The following SESN1 variants were observed in gnomAD, a reference collection of about 807,000 sequenced individuals.
SESN1 encodes the protein sestrin 1.
Under a neutral mutation model 59.3 loss-of-function variants are expected in SESN1, and 30 were observed. That is an observed-to-expected ratio of 0.51 (90% CI 0.38 to 0.69). The LOEUF is 0.69. Ranked by LOEUF, SESN1 falls within the 30% of genes least tolerant of loss-of-function variation. The pLI, the probability that SESN1 is intolerant of heterozygous loss-of-function variation, is 0.00. For synonymous variants in SESN1, 197 were observed against 219.9 expected, an observed-to-expected ratio of 0.90 and a Z score of 0.92; for missense variants, 566 against 673.0, an observed-to-expected ratio of 0.84 and a Z score of 1.76.
chr6:109,069,589 T>C (rs1034249719), intron 1 of SESN1, among the ~76,000 whole-genome samples: 2 of 152,100 alleles, frequency 1.3e-5, no homozygotes. Flanking sequence ...CCACCCAGAC[T>C]GGAGGGCAGT....
chr6:109,007,180 G>A (rs1330702355), intron 1 of SESN1, among the ~76,000 whole-genome samples: 1 of 152,134 alleles, frequency 6.6e-6, no homozygotes, highest in Admixed American at 6.5e-5. Flanking sequence ...CTAATTTTCA[G>A]AGTGAAAATT....
rs71015570 is a variant in SESN1, at chr6:109,044,311, C to CAAAAAAAAAAAAAAAAAAAAAA, written c.280-41990_280-41969dup. On this transcript the variant is annotated intron_variant, in intron 1 of 9. Coordinates refer to ENST00000436639, the MANE Select transcript of SESN1 (RefSeq NM_014454.3). ...TAGATGACACAGTGAGAACTTGCCTCAAAAAAAAAAAAAAAAAAAAAAAAA... is the reference window on the plus strand; with the variant it reads ...TAGATGACACAGTGAGAACTTGCCTCAAAAAAAAAAAAAAAAAAAAAAAAAAAAAAAAAAAAAAAAAAAAAAA... Among the ~76,000 whole-genome samples the CAAAAAAAAAAAAAAAAAAAAAA allele has an allele frequency of 1.8e-4, 5 of 28,458 alleles. 2 individuals carry two copies. Among genetic ancestry groups the CAAAAAAAAAAAAAAAAAAAAAA allele is most frequent in the East Asian group, 5.2e-3 (2 of 388 alleles). The allele number at this position is 28,458 out of a possible 152,430, so 18.7% of individuals were successfully genotyped here. A position where few individuals can be genotyped will look rare whatever the true frequency, so the allele number is the denominator to read the frequency against.
chr6:109,055,643 C>T (rs1780617136), intron 1 of SESN1, among the ~76,000 whole-genome samples: 1 of 117,730 alleles, frequency 8.5e-6, no homozygotes, highest in East Asian at 2.4e-4. Context: ...GCCTGGGCAA[C>T]AGAGCGAGAC....
At chr6:109,052,219 T>C (rs1161593418) in intron 1 of SESN1, among the ~76,000 whole-genome samples, 1 of 152,244 alleles carries the variant, frequency 6.6e-6, no homozygotes, top group East Asian at 1.9e-4. Context: ...TGCCTGGCAC[T>C]TTGTAGTTGC....
At position 109,094,011 on chromosome 6, in the gene SESN1, C is replaced by G; in HGVS notation, c.63G>C (p.Arg21Ser). Reference sequence around the variant, plus strand: ...GCCTAATGTTTTCCAATGCTGTCTCCCTAGTAGTTGAATCTCTGCTGCAGA... The same window carrying G: ...GCCTAATGTTTTCCAATGCTGTCTCGCTAGTAGTTGAATCTCTGCTGCAGA... The part of the protein sequence containing the change: ...DGLCSRDSTT[R>S]ETALENIRQT... The change falls in exon 1 of 10, where the codon AGG becomes AGC. Residue 21 changes from arginine (R) to serine (S), a missense_variant. By Grantham distance (110) the Arg-to-Ser change is moderately radical (BLOSUM62 -1). Coordinates refer to ENST00000436639, the MANE Select transcript of SESN1 (RefSeq NM_014454.3). The G allele has an allele frequency of 6.2e-7, 1 of 1,614,156 alleles. No individual in the cohort carries two copies. Among genetic ancestry groups the G allele is most frequent in the South Asian group, 1.1e-5 (1 of 91,080 alleles).
rs115263510 is a variant in SESN1 at position 109,084,199 on chromosome 6, G to A, written c.279+9596C>T. On this transcript the variant is annotated intron_variant, in intron 1 of 9. Transcript: ENST00000436639. ...TGAATGATTATATATACATATTAAA[G>A]TTTATTTGGGTAATATAAACCACAA... Among the ~76,000 whole-genome samples the A allele has an allele frequency of 7.8e-3, 1,193 of 152,234 alleles. 20 individuals carry two copies. Among genetic ancestry groups the A allele is most frequent in the African/African-American group, 0.028 (1,143 of 41,552 alleles).
intron 1 of SESN1, among the ~76,000 whole-genome samples, chr6:109,006,878 T>G (rs1017806934): frequency 1.3e-5 from 2 of 152,202 alleles, no homozygotes; most frequent in Admixed American, 1.3e-4. Context: ...GTTAATTCAA[T>G]TATTCCTTCA....
chr6:109,029,413 A>T (rs77936298), intron 1 of SESN1, among the ~76,000 whole-genome samples: 15,237 of 152,216 alleles, frequency 0.1, 927 homozygotes, highest in Middle Eastern at 0.19. Flanking sequence ...TGCTTTATTA[A>T]ATCTTTTTCT....
chr6:109,018,486 T>A (rs1345909743), intron 1 of SESN1, among the ~76,000 whole-genome samples: 1 of 152,222 alleles, frequency 6.6e-6, no homozygotes, highest in Non-Finnish European at 1.5e-5. Flanking sequence ...GATATTTTGC[T>A]TTAAAGATGC....
intron 1 of SESN1, among the ~76,000 whole-genome samples, chr6:109,048,447 T>C (rs1043704354): frequency 1.3e-5 from 2 of 152,224 alleles, no homozygotes; most frequent in African/African-American, 2.4e-5. Flanking sequence ...AGTGACTGCA[T>C]AGGAAATACC....
At position 108,985,531 on chromosome 6, in the gene SESN1, T is replaced by TAAC. The variant is rs1317002515; in HGVS notation, c.*2010_*2012dup. ...TGCTAAATGGAAGGCATTGAAACAT[T>TAAC]AACTTTGTATCACATGCACTTTTAT... On this transcript the variant is annotated 3_prime_UTR_variant, in exon 10 of 10. Transcript: ENST00000436639. Among the ~76,000 whole-genome samples, 1 of 152,240 alleles carries TAAC rather than the reference T, an allele frequency of 6.6e-6. No individual in the cohort carries two copies. The highest frequency in any genetic ancestry group is 1.5e-5 in the Non-Finnish European group (1 of 68,036).
At chr6:108,991,103 T>C (rs1779372975) in intron 7 of SESN1, among the ~76,000 whole-genome samples, 1 of 151,998 alleles carries the variant, frequency 6.6e-6, no homozygotes, top group Non-Finnish European at 1.5e-5. Flanking sequence ...TAATAGTCTC[T>C]TCCCCTTACA....
In SESN1 at chr6:109,050,916, G is replaced by A. The variant is rs556378939; in HGVS notation, c.279+42879C>T. Among the ~76,000 whole-genome samples the A allele has an allele frequency of 2.5e-4, 38 of 152,164 alleles. 1 individual carries two copies. In the South Asian group the frequency reaches 3.1e-3, roughly 12 times the overall value. On this transcript the variant is annotated intron_variant, in intron 1 of 9. Transcript: ENST00000436639. Reference sequence around the variant, plus strand: ...CACAGCTTCTACTGCTTAGGTAGGGGGAATGTGGTCCTCAGCCACCTCCAT... The same window carrying A: ...CACAGCTTCTACTGCTTAGGTAGGGAGAATGTGGTCCTCAGCCACCTCCAT...
intron 1 of SESN1, among the ~76,000 whole-genome samples, chr6:109,005,153 G>T (rs569123058): frequency 6.6e-6 from 1 of 152,106 alleles, no homozygotes; most frequent in South Asian, 2.1e-4. Context: ...CTAATAGTAC[G>T]AGGTTGAAAA....
intron 1 of SESN1, among the ~76,000 whole-genome samples, chr6:109,089,524 A>G (rs918539971): frequency 6.6e-6 from 1 of 152,220 alleles, no homozygotes; most frequent in Non-Finnish European, 1.5e-5. Flanking sequence ...TGACAGAACT[A>G]GAACAGCGGT....
intron 2 of SESN1, 35 bp downstream of exon 2, chr6:109,002,243 A>ATACAGT: frequency 6.3e-7 from 1 of 1,583,476 alleles, no homozygotes; most frequent in Non-Finnish European, 8.7e-7. Context: ...CCTTAAAAGC[A>ATACAGT]TACAGTTCAC....
chr6:108,990,762 TCATCAATCAACTGTCCCA>T lies in SESN1; in HGVS notation c.1289_1306del (p.Val430_Asp435del). On this transcript the variant is annotated inframe_deletion, in exon 8 of 10. Coordinates refer to ENST00000436639, the MANE Select transcript of SESN1 (RefSeq NM_014454.3). The stretch of plus-strand genomic sequence containing the variant: ...AAGATTGTAAGCAATGTGAAATTTT[TCATCAATCAACTGTCCCA>T]CATCTGGATAAAGGCGATTTACCAA... 6.2e-7 allele frequency: 1 copy of T among 1,614,156 alleles called. No homozygotes were observed. The highest frequency in any genetic ancestry group is 8.5e-7 in the Non-Finnish European group (1 of 1,180,034).
At chr6:109,009,374 G>C (rs1052803230) in intron 1 of SESN1, 4 of 1,467,640 alleles carry the variant, frequency 2.7e-6, no homozygotes, top group African/African-American at 2.9e-5. Flanking sequence ...CCTGGTCGCG[G>C]CCCCCGCCGC....
chr6:109,035,603 T>C (rs918528439), intron 1 of SESN1, among the ~76,000 whole-genome samples: 1 of 151,760 alleles, frequency 6.6e-6, no homozygotes, highest in Admixed American at 6.6e-5. Context: ...CTGGGCTTCA[T>C]GTAGCCTTAG....
Sources: gnomAD v4.1 joint callset for allele counts (sites outside exome capture counted in the v4.1 genomes callset) on GRCh38, gnomAD v4.1.1 for gene constraint, MANE v1.5 for transcripts, NCBI Gene and HGNC (gene_info 2026-07-23, HGNC 2026-07-21) for gene names.